The following ANKRD55 variants were observed in gnomAD, a reference collection of about 807,000 sequenced individuals.
ANKRD55 encodes ankyrin repeat domain-containing protein 55.
Under a neutral mutation model 60.6 loss-of-function variants are expected in ANKRD55, and 41 were observed. The ratio of observed to expected loss-of-function variants is 0.68; its 90% confidence interval spans 0.53 to 0.88. The LOEUF (loss-of-function observed/expected upper bound fraction) is 0.88, where lower values mean the gene tolerates loss of function less well. ANKRD55 is among the 40% of genes least tolerant of loss of function. The pLI, the probability that ANKRD55 is intolerant of heterozygous loss-of-function variation, is 0.00. For missense variants in ANKRD55, 732 were observed against 767.6 expected (o/e 0.95, Z 0.55); for synonymous variants, 264 against 290.3 (o/e 0.91, Z 0.92).
chr5:56,150,285 A>T (rs936314033), intron 6 of ANKRD55, among the ~76,000 whole-genome samples: 3 of 152,160 alleles, frequency 2.0e-5, no homozygotes, highest in Non-Finnish European at 4.4e-5. Context: ...ATTGCAGATC[A>T]CTACATGTCT....
chr5:56,179,246 A>G (rs1003251937), intron 3 of ANKRD55, among the ~76,000 whole-genome samples: 3 of 152,266 alleles, frequency 2.0e-5, no homozygotes, highest in African/African-American at 7.2e-5. Context: ...TCTTAAAGAC[A>G]TAATTTTGAG....
chr5:56,181,211 C>T (rs1413868195), intron 3 of ANKRD55, among the ~76,000 whole-genome samples: 1 of 152,186 alleles, frequency 6.6e-6, no homozygotes, highest in Non-Finnish European at 1.5e-5. Context: ...ATTTCCTTTT[C>T]TTGCCCTTTT....
chr5:56,166,142 CTTTCTTTCTTT>C (rs1288733970), intron 5 of ANKRD55, among the ~76,000 whole-genome samples: 14 of 93,670 alleles, frequency 1.5e-4, no homozygotes, highest in African/African-American at 9.1e-4. Context: ...TTCTTTCTTT[CTTTCTTTCTTT>C]CTTCTTTCCT....
At chr5:56,154,408 T>C (rs1443864017) in intron 6 of ANKRD55, among the ~76,000 whole-genome samples, 1 of 152,046 alleles carries the variant, frequency 6.6e-6, no homozygotes, top group Non-Finnish European at 1.5e-5. Context: ...AAGTAATGAA[T>C]GAAAAAGAAA....
intron 2 of ANKRD55, among the ~76,000 whole-genome samples, chr5:56,219,288 A>G (rs201087453): frequency 0.082 from 12,293 of 150,486 alleles, 819 homozygotes; most frequent in African/African-American, 0.18. Flanking sequence ...AAAAAAAAAA[A>G]AAAAGAAAAA....
intron 2 of ANKRD55, among the ~76,000 whole-genome samples, chr5:56,231,373 T>C (rs1431622626): frequency 2.0e-5 from 3 of 152,206 alleles, no homozygotes; most frequent in East Asian, 1.9e-4. Context: ...CACTGGAACA[T>C]GTAAATTCAT....
chr5:56,137,573 A>C, intron 7 of ANKRD55: 1 of 699,372 alleles, frequency 1.4e-6, no homozygotes, highest in Non-Finnish European at 2.5e-6. Context: ...AAAAGAAAAA[A>C]AAAAAGAATT....
chr5:56,156,076 G>T (rs962565627), intron 6 of ANKRD55, among the ~76,000 whole-genome samples: 5 of 152,128 alleles, frequency 3.3e-5, no homozygotes, highest in African/African-American at 1.2e-4. Context: ...GCACACTCTG[G>T]TCACTCTGCC....
At chr5:56,106,671 A>T (rs2111662596) in intron 10 of ANKRD55, among the ~76,000 whole-genome samples, 1 of 152,142 alleles carries the variant, frequency 6.6e-6, no homozygotes, top group South Asian at 2.1e-4. Flanking sequence ...ACCTCAGGTG[A>T]TCCGCCTACC....
intron 2 of ANKRD55, among the ~76,000 whole-genome samples, chr5:56,184,437 C>T (rs1005631478): frequency 6.6e-6 from 1 of 152,186 alleles, no homozygotes; most frequent in African/African-American, 2.4e-5. Flanking sequence ...TTCAGCCCTG[C>T]GTCATCTCTG....
intron 2 of ANKRD55, among the ~76,000 whole-genome samples, chr5:56,196,858 A>C (rs1206004539): frequency 2.0e-5 from 3 of 152,190 alleles, no homozygotes; most frequent in Non-Finnish European, 2.9e-5. Context: ...ATACCCTAGG[A>C]CAGTGATTGT....
chr5:56,193,970 T>G (rs1217447849), intron 2 of ANKRD55, among the ~76,000 whole-genome samples: 1 of 152,182 alleles, frequency 6.6e-6, no homozygotes, highest in Non-Finnish European at 1.5e-5. Context: ...CTAAAACAAT[T>G]GAATTTGCTA....
At chr5:56,229,653 G>A (rs953961353) in intron 2 of ANKRD55, among the ~76,000 whole-genome samples, 7 of 152,258 alleles carry the variant, frequency 4.6e-5, no homozygotes, top group African/African-American at 1.4e-4. Context: ...TAGCTAAAGA[G>A]AAATATAGGA....
chr5:56,116,111 T>C (rs1756877705), intron 9 of ANKRD55, among the ~76,000 whole-genome samples: 1 of 152,176 alleles, frequency 6.6e-6, no homozygotes, highest in Non-Finnish European at 1.5e-5. Context: ...TGCCTCAGCC[T>C]CCCAAAGTGC....
intron 2 of ANKRD55, among the ~76,000 whole-genome samples, chr5:56,195,074 T>C (rs1208134102): frequency 2.0e-5 from 3 of 152,148 alleles, no homozygotes; most frequent in Admixed American, 6.5e-5. Flanking sequence ...AGTGCTTAAA[T>C]GTGATATATT....
At chr5:56,179,430 A>G (rs2111826984) in intron 3 of ANKRD55, among the ~76,000 whole-genome samples, 1 of 152,324 alleles carries the variant, frequency 6.6e-6, no homozygotes, top group Admixed American at 6.5e-5. Flanking sequence ...ATGAAGGGAA[A>G]AGGGGTGGAA....
chr5:56,124,700 G>T (rs894206244), intron 8 of ANKRD55, among the ~76,000 whole-genome samples: 4 of 152,064 alleles, frequency 2.6e-5, no homozygotes, highest in Non-Finnish European at 4.4e-5. Flanking sequence ...TAGAGACAGG[G>T]TTTCACCATG....
chr5:56,116,737 G>A lies in ANKRD55; in HGVS notation c.843C>T (p.Val281=). 6.2e-7 allele frequency: 1 copy of A among 1,613,798 alleles called. No individual in the cohort carries two copies. The highest frequency in any genetic ancestry group is 8.5e-7 in the Non-Finnish European group (1 of 1,179,866). ...CCATTCCCAACTCCAGCAGTGACTGGACACATTCGGCCTTCCCTGCAGCTG... is the reference window on the plus strand; with the variant it reads ...CCATTCCCAACTCCAGCAGTGACTGAACACATTCGGCCTTCCCTGCAGCTG... ...WAAAAGKAEC[V]QSLLELGMDS... Residue 281 remains valine, a synonymous_variant, in exon 9 of 12, where the codon GTC becomes GTT. Transcript: ENST00000341048.
intron 10 of ANKRD55, among the ~76,000 whole-genome samples, chr5:56,106,404 C>T (rs1158963096): frequency 7.3e-6 from 1 of 136,416 alleles, no homozygotes. Flanking sequence ...AAATAAAATC[C>T]GTAAGGCTAG....
Sources: allele counts gnomAD v4.1 joint callset (sites outside exome capture counted in the v4.1 genomes callset), GRCh38; gene constraint gnomAD v4.1.1; transcripts MANE v1.5; gene names NCBI Gene and HGNC (gene_info 2026-07-23, HGNC 2026-07-21).